The following CTNNA1 variants were observed in gnomAD, a reference collection of about 807,000 sequenced individuals.
CTNNA1 encodes catenin alpha-1.
A neutral mutation model predicts 98.4 loss-of-function variants in CTNNA1; 37 were observed. The ratio of observed to expected loss-of-function variants is 0.38; its 90% CI spans 0.29 to 0.49. The LOEUF is 0.49. CTNNA1 is among the 20% of genes least tolerant of loss of function. The pLI, the probability that CTNNA1 is intolerant of heterozygous loss-of-function variation, is 0.95. For missense variants in CTNNA1, 761 were observed against 1,147.2 expected, an observed-to-expected ratio of 0.66 and a Z score of 4.86; for synonymous variants, 404 against 413.2, an observed-to-expected ratio of 0.98 and a Z score of 0.27.
intron 7 of CTNNA1, among the ~76,000 whole-genome samples, chr5:138,832,976 T>C (rs1308508792): frequency 6.6e-6 from 1 of 152,214 alleles, no homozygotes; most frequent in African/African-American, 2.4e-5. Context: ...CTGAGGGATA[T>C]GCTGACTGTT....
intron 5 of CTNNA1, among the ~76,000 whole-genome samples, chr5:138,816,997 G>A (rs1352366370): frequency 2.0e-5 from 3 of 152,054 alleles, no homozygotes; most frequent in Non-Finnish European, 2.9e-5. Context: ...CACCGTGCCC[G>A]GCTACATTTG....
At chr5:138,768,329 G>A (rs1046001486) in intron 1 of CTNNA1, among the ~76,000 whole-genome samples, 3 of 152,036 alleles carry the variant, frequency 2.0e-5, no homozygotes, top group East Asian at 1.9e-4. Context: ...GTGCGATCTC[G>A]GCTCACCTCG....
At chr5:138,763,159 T>C (rs138435473) in intron 1 of CTNNA1, among the ~76,000 whole-genome samples, 297 of 152,276 alleles carry the variant, frequency 2.0e-3, no homozygotes, top group African/African-American at 6.9e-3. Flanking sequence ...ACCTGGTTAA[T>C]TACCAAGTTA....
At chr5:138,836,053 A>T (rs551591675) in intron 7 of CTNNA1, among the ~76,000 whole-genome samples, 13 of 152,216 alleles carry the variant, frequency 8.5e-5, no homozygotes, top group Non-Finnish European at 8.8e-5. Context: ...GTTCCGTGCT[A>T]TTGGCCAGGC....
At chr5:138,814,553 T>C (rs1352255831) in intron 5 of CTNNA1, among the ~76,000 whole-genome samples, 2 of 152,158 alleles carry the variant, frequency 1.3e-5, no homozygotes, top group African/African-American at 2.4e-5. Flanking sequence ...AATTAATGGG[T>C]TTGATACAAA....
intron 1 of CTNNA1, among the ~76,000 whole-genome samples, chr5:138,776,039 C>CTTTTTTTTT (rs57467422): frequency 5.6e-4 from 47 of 83,862 alleles, no homozygotes; most frequent in African/African-American, 8.8e-4. Flanking sequence ...GGAAATGTTT[C>CTTTTTTTTT]TTTTTTTTTT....
At chr5:138,866,046 A>G (rs1764725605) in intron 7 of CTNNA1, among the ~76,000 whole-genome samples, 1 of 152,122 alleles carries the variant, frequency 6.6e-6, no homozygotes, top group Non-Finnish European at 1.5e-5. Context: ...TGTGGTGGCG[A>G]ACGCCTGTAA....
rs764983388 is a variant in CTNNA1 at position 138,873,557 on chromosome 5, T to C, written c.1063-12655T>C. On this transcript the variant is annotated intron_variant, in intron 7 of 17. Transcript: ENST00000302763. This position sits in a 1 kb window ranked among gnomAD's most constrained non-coding sequence, Gnocchi z 6.1. ...GTCAGGACTGTGGCATAGGATGGAGTGTTCCCACCGACCTTGGAAACTGCC... is the reference window on the plus strand; with the variant it reads ...GTCAGGACTGTGGCATAGGATGGAGCGTTCCCACCGACCTTGGAAACTGCC... 1.2e-6 allele frequency: 2 copies of C among 1,613,700 alleles called. No individual in the cohort carries two copies. Among genetic ancestry groups the C allele is most frequent in the Non-Finnish European group, 1.7e-6 (2 of 1,179,880 alleles).
In CTNNA1 at chr5:138,931,057, G is replaced by T. The variant is rs987691287; in HGVS notation, c.2298+122G>T. 3 of 668,604 alleles carry T rather than the reference G, an allele frequency of 4.5e-6. No homozygotes were observed. The African/African-American group carries it at 5.4e-5, about 12-fold the overall frequency. 41.4% of individuals were successfully genotyped at this position (668,604 alleles called of 1,614,324 possible). On this transcript the variant is annotated intron_variant, in intron 16 of 17. Coordinates refer to ENST00000302763, the MANE Select transcript of CTNNA1 (RefSeq NM_001903.5). ...CTTTTGCCACTCATCTCTAAAAATG[G>T]TTCTTATTAATCCCAGCATAGATTT...
Position 138,925,240 on chromosome 5 carries a change from G to C in CTNNA1, c.1748-16G>C, listed in dbSNP as rs187293176. ...GCCTGCTGACCAGGGTATCTACTGT[G>C]CCTCTTTCTCCACAGTCATGCCACG... On this transcript the variant is annotated splice_polypyrimidine_tract_variant and intron_variant, in intron 12 of 17. Transcript: ENST00000302763. 5,285 of 1,612,512 alleles carry C rather than the reference G, an allele frequency of 3.3e-3. 10 individuals are homozygous for C. Among genetic ancestry groups the C allele is most frequent in the Non-Finnish European group, 4.0e-3 (4,707 of 1,179,410 alleles).
At chr5:138,851,036 C>G (rs904075054) in intron 7 of CTNNA1, among the ~76,000 whole-genome samples, 5 of 152,148 alleles carry the variant, frequency 3.3e-5, no homozygotes, top group African/African-American at 1.2e-4. Flanking sequence ...AGTAAACAAA[C>G]AAAAGGCATT....
intron 5 of CTNNA1, among the ~76,000 whole-genome samples, chr5:138,817,570 A>G (rs1759560989): frequency 1.3e-5 from 2 of 152,184 alleles, no homozygotes; most frequent in East Asian, 1.9e-4. Context: ...ATTTAATGCT[A>G]TCCTATAAGT....
chr5:138,882,343 G>T (rs1753092521), intron 7 of CTNNA1, among the ~76,000 whole-genome samples: 1 of 152,206 alleles, frequency 6.6e-6, no homozygotes, highest in South Asian at 2.1e-4. Flanking sequence ...GAACAAAAAT[G>T]TATGTGGGTG....
At chr5:138,759,732 T>G (rs1752103107) in intron 1 of CTNNA1, among the ~76,000 whole-genome samples, 2 of 152,252 alleles carry the variant, frequency 1.3e-5, no homozygotes, top group East Asian at 3.9e-4. Context: ...GAATGCATTG[T>G]AGGTTGTCTG....
intron 8 of CTNNA1, 90 bp downstream of exon 8, chr5:138,886,382 TTTA>T: frequency 3.0e-6 from 4 of 1,331,312 alleles, no homozygotes; most frequent in Non-Finnish European, 4.1e-6. Flanking sequence ...CTTATATTTT[TTTA>T]TTGAGAGAAA....
intron 3 of CTNNA1, among the ~76,000 whole-genome samples, chr5:138,804,433 A>G: frequency 6.6e-6 from 1 of 152,226 alleles, no homozygotes. Context: ...CATCCTAGAA[A>G]GAAACCTAGT....
At chr5:138,896,259 G>A (rs911345374) in intron 9 of CTNNA1, among the ~76,000 whole-genome samples, 6 of 152,074 alleles carry the variant, frequency 3.9e-5, no homozygotes, top group African/African-American at 1.4e-4. Flanking sequence ...TGTGGTTCTT[G>A]CTTTTTTGCC....
intron 1 of CTNNA1, 65 bp downstream of exon 1, chr5:138,753,575 C>A (rs562411112): frequency 5.5e-6 from 2 of 361,770 alleles, no homozygotes; most frequent in Non-Finnish European, 9.9e-6. Flanking sequence ...GTCCTTGGGC[C>A]GGGCCGTCCC....
At chr5:138,776,710 G>T (rs1213331527) in intron 1 of CTNNA1, among the ~76,000 whole-genome samples, 1 of 150,480 alleles carries the variant, frequency 6.6e-6, no homozygotes, top group Admixed American at 6.6e-5. Context: ...GGGGCGGCTG[G>T]CCGGGCAGAG....
Sources: allele counts gnomAD v4.1 joint callset (sites outside exome capture counted in the v4.1 genomes callset), GRCh38; gene constraint gnomAD v4.1.1; non-coding constraint Gnocchi (gnomAD v3.1); transcripts MANE v1.5; gene names NCBI Gene and HGNC (gene_info 2026-07-23, HGNC 2026-07-21).